The following DIDO1 variants were observed in gnomAD, a reference collection of about 807,000 sequenced individuals.
DIDO1 encodes the protein death-inducer obliterator 1.
Under a neutral mutation model 99.4 loss-of-function variants are expected in DIDO1, and 16 were observed. The observed-to-expected ratio is 0.16, with a 90% confidence interval of 0.11 to 0.24. The LOEUF (loss-of-function observed/expected upper bound fraction) is 0.24. DIDO1 is among the 10% of genes least tolerant of loss of function. DIDO1 has a pLI of 1.00. For missense variants in DIDO1, 2,996 were observed against 3,014.0 expected (o/e 0.99, Z 0.14); for synonymous variants, 1,366 against 1,239.1 (o/e 1.10, Z -2.15).
intron 1 of DIDO1, among the ~76,000 whole-genome samples, chr20:62,916,930 C>A (rs556329210): frequency 6.6e-6 from 1 of 152,252 alleles, no homozygotes; most frequent in Non-Finnish European, 1.5e-5. Flanking sequence ...CACGTCCTTG[C>A]ACTCTGGACC....
chr20:62,894,866 G>A lies in DIDO1; in HGVS notation c.2380C>T (p.Pro794Ser), dbSNP rs759076690. The A allele has an allele frequency of 1.2e-6, 2 of 1,614,106 alleles. No individual in the cohort carries two copies. Among genetic ancestry groups the A allele is most frequent in the African/African-American group, 1.3e-5 (1 of 75,016 alleles). Reference protein sequence around the residue: ...KLHNESKKTAPRQEAIPDLED... With the variant: ...KLHNESKKTASRQEAIPDLED... ...AGATCGGGGATGGCCTCCTGCCTGG[G>A]GGCCGTCTTCTTGCTTTCATTGTGC... Residue 794 changes from proline (P) to serine (S), a missense_variant, in exon 10 of 16, where the codon CCC becomes TCC. By Grantham distance (74) the Pro-to-Ser change is moderately conservative (BLOSUM62 -1). Around this residue, in one of 5 missense-constraint regions of DIDO1, gnomAD observed 898 missense variants for 972.7 expected, o/e 0.92. Coordinates refer to ENST00000395343, the MANE Select transcript of DIDO1 (RefSeq NM_001193369.2). The surrounding 1 kb of genome is among the most constrained non-coding windows in gnomAD (Gnocchi z 4.4).
At position 62,881,966 on chromosome 20, in the gene DIDO1, C is replaced by T. The variant is rs1009935680; in HGVS notation, c.3990G>A (p.Pro1330=). Residue 1330 remains proline (P), a synonymous_variant, in exon 16 of 16, where the codon CCG becomes CCA. Transcript: ENST00000395343. This position sits in a 1 kb window ranked among gnomAD's most constrained non-coding sequence, Gnocchi z 8.3. ...TGGACCCGGGAGGCTCTCTGGCGGA[C>T]GGGTCGAATGATTTCTTCTTTCCAA... The part of the protein sequence containing the change: ...TLFGKKKSFD[P]SAREPPGSTA... 4 of 1,613,340 alleles carry T rather than the reference C, an allele frequency of 2.5e-6. No homozygotes were observed. The South Asian group carries it at 3.3e-5, about 13-fold the overall frequency.
Position 62,879,813 on chromosome 20 carries a change from G to T in DIDO1, c.6143C>A (p.Ser2048Tyr). Reference sequence around the variant, plus strand: ...TCCGGGCGCACTGGAGGAGAGCGCGGAGGGCGGCCCGGCCTCCTCCCAGCG... The same window carrying T: ...TCCGGGCGCACTGGAGGAGAGCGCGTAGGGCGGCCCGGCCTCCTCCCAGCG... ...KDRWEEAGPP[S>Y]ALSSSAPGQG... Residue 2048 changes from serine (S) to tyrosine (Y), a missense_variant, in exon 16 of 16, where the codon TCC becomes TAC. Ser to Tyr is a moderately radical substitution (Grantham distance 144, BLOSUM62 -2). This residue lies in a region of DIDO1 where 1,562 missense variants were observed against 1,412.6 expected (regional missense o/e 1.11). Coordinates refer to ENST00000395343, the MANE Select transcript of DIDO1 (RefSeq NM_001193369.2). This position sits in a 1 kb window ranked among gnomAD's most constrained non-coding sequence, Gnocchi z 6.3. The T allele has an allele frequency of 2.5e-6, 4 of 1,610,134 alleles. No individual in the cohort carries two copies. The highest frequency in any genetic ancestry group is 3.4e-6 in the Non-Finnish European group (4 of 1,179,252).
At position 62,878,847 on chromosome 20, in the gene DIDO1, G is replaced by A. The variant is rs142982868; in HGVS notation, c.*386C>T. On this transcript the variant is annotated 3_prime_UTR_variant, in exon 16 of 16. Transcript: ENST00000395343. ...CGCCCACACCGGCCTCCGGGGCGGC[G>A]GCTAAGACCTGTAAAAGCAGCTTTT... 669 of 164,400 alleles carry A rather than the reference G, an allele frequency of 4.1e-3. 4 individuals are homozygous for A. The highest frequency in any genetic ancestry group is 0.015 in the African/African-American group (639 of 42,026). The allele number at this position is 164,400 out of a possible 1,614,324, so 10.2% of individuals were successfully genotyped here.
At chr20:62,899,492 C>A (rs947541394) in intron 6 of DIDO1, among the ~76,000 whole-genome samples, 2 of 152,182 alleles carry the variant, frequency 1.3e-5, no homozygotes, top group African/African-American at 4.8e-5. Context: ...CGTGTAACTA[C>A]ACTATTGTCT....
At chr20:62,888,416 T>C in intron 15 of DIDO1, 1 of 985,532 alleles carries the variant, frequency 1.0e-6, no homozygotes, top group Non-Finnish European at 1.2e-6. Context: ...AGGCCTGTGC[T>C]GCATGTGCCG....
Position 62,880,870 on chromosome 20 carries a change from C to A in DIDO1, c.5086G>T (p.Gly1696Cys), listed in dbSNP as rs1048784817. ...PGFASQDKAL[G>C]SAQYEDPRNL... ...CTTGGGTCCTCATACTGGGCTGAGC[C>A]GAGAGCCTTGTCCTGCGACGCGAAC... The change falls in exon 16 of 16, where the codon GGC (glycine) becomes TGC (cysteine). Residue 1696 changes from glycine to cysteine, a missense_variant. Around this residue, in one of 5 missense-constraint regions of DIDO1, gnomAD observed 1,562 missense variants for 1,412.6 expected, o/e 1.11. Transcript: ENST00000395343. 1.2e-6 allele frequency: 2 copies of A among 1,612,656 alleles called. No individual in the cohort carries two copies. Among genetic ancestry groups the A allele is most frequent in the Admixed American group, 1.7e-5 (1 of 60,028 alleles).
chr20:62,906,935 T>A (rs937157295), intron 5 of DIDO1, among the ~76,000 whole-genome samples: 1 of 152,224 alleles, frequency 6.6e-6, no homozygotes, highest in Non-Finnish European at 1.5e-5. Flanking sequence ...TTGTCAGCAT[T>A]TGCTTTACTG....
rs766531099 is a variant in DIDO1 at position 62,881,044 on chromosome 20, G to A, written c.4912C>T (p.Pro1638Ser). ...GTGGCGGGGCGGGTGCCCTCCCCAG[G>A]CTCTGCCTTCCAGCCGTCCTGCTCG... ...GSEQDGWKAE[P>S]GEGTRPATVG... Residue 1638 changes from proline to serine, a missense_variant, in exon 16 of 16, where the codon CCT becomes TCT. Transcript: ENST00000395343. This position sits in a 1 kb window ranked among gnomAD's most constrained non-coding sequence, Gnocchi z 8.3. 1.9e-6 allele frequency: 3 copies of A among 1,604,838 alleles called. No homozygotes were observed. Among genetic ancestry groups the A allele is most frequent in the Non-Finnish European group, 2.5e-6 (3 of 1,178,308 alleles).
In DIDO1 at chr20:62,887,986, C is replaced by G. The variant is rs145930116; in HGVS notation, c.3541+2974G>C. On this transcript the variant is annotated intron_variant, in intron 15 of 15. Coordinates refer to ENST00000395343, the MANE Select transcript of DIDO1 (RefSeq NM_001193369.2). ...CATTAAGATATGCAAGGACAAATGT[C>G]CTCAGGGAGATCCAGCTACTGCTGT... 3.2e-3 allele frequency: 3,124 copies of G among 985,484 alleles called. 2 individuals carry two copies. Among genetic ancestry groups the G allele is most frequent in the Admixed American group, 4.5e-3 (74 of 16,284 alleles). The allele number at this position is 985,484 out of a possible 1,614,324, so 61.0% of individuals were successfully genotyped here. A position where few individuals can be genotyped will look rare whatever the true frequency, so the allele number is the denominator to read the frequency against.
In DIDO1 at chr20:62,879,979, G is replaced by A. The variant is rs747138559; in HGVS notation, c.5977C>T (p.Arg1993Trp). Residue 1993 changes from arginine (R) to tryptophan (W), a missense_variant, in exon 16 of 16, where the codon CGG becomes TGG. Transcript: ENST00000395343. The surrounding 1 kb of genome is among the most constrained non-coding windows in gnomAD (Gnocchi z 6.3). Reference protein sequence around the residue: ...APAPLQFGGLRGSAPFSEKNE... With the variant: ...APAPLQFGGLWGSAPFSEKNE... ...TTTTCAGAAAAGGGTGCGGACCCCC[G>A]TAGTCCACCAAACTGCAGGGGTGCA... 3.7e-6 allele frequency: 6 copies of A among 1,611,468 alleles called. No individual in the cohort carries two copies. The highest frequency in any genetic ancestry group is 1.3e-5 in the African/African-American group (1 of 74,790).
chr20:62,892,332 G>T (rs61330594), intron 13 of DIDO1, among the ~76,000 whole-genome samples: 1 of 152,166 alleles, frequency 6.6e-6, no homozygotes, highest in Non-Finnish European at 1.5e-5. Context: ...CTGTCTTTAC[G>T]TACATACACA....
chr20:62,924,763 G>C (rs944169589), intron 1 of DIDO1, among the ~76,000 whole-genome samples: 29 of 152,272 alleles, frequency 1.9e-4, no homozygotes, highest in African/African-American at 7.0e-4. Context: ...GTACGGCTGG[G>C]CAGTCAATCA....
chr20:62,888,365 T>A lies in DIDO1; in HGVS notation c.3541+2595A>T, dbSNP rs377203205. ...AGATGCTCCCACATCAGTGCCCTGA[T>A]GCAGACGGGCAGCTCAAGGCTGGGG... is the stretch of plus-strand genomic sequence containing the variant. On this transcript the variant is annotated intron_variant, in intron 15 of 15. Coordinates refer to ENST00000395343, the MANE Select transcript of DIDO1 (RefSeq NM_001193369.2). 54 of 985,552 alleles carry A rather than the reference T, an allele frequency of 5.5e-5. No individual in the cohort carries two copies. The African/African-American group carries it at 8.7e-4, about 16-fold the overall frequency. The allele number at this position is 985,552 out of a possible 1,614,324, so 61.1% of individuals were successfully genotyped here.
At position 62,881,812 on chromosome 20, in the gene DIDO1, C is replaced by T. The variant is rs369592108; in HGVS notation, c.4144G>A (p.Asp1382Asn). The T allele has an allele frequency of 1.2e-6, 2 of 1,613,396 alleles. No individual in the cohort carries two copies. The highest frequency in any genetic ancestry group is 1.3e-5 in the African/African-American group (1 of 74,918). The part of the protein sequence containing the change: ...KDKALEEEED[D>N]RPYDPEEEYD... ...TCCTCCTCAGGGTCGTATGGCCTGTCGTCCTCCTCTTCCTCTAGAGCCTTA... is the reference window on the plus strand; with the variant it reads ...TCCTCCTCAGGGTCGTATGGCCTGTTGTCCTCCTCTTCCTCTAGAGCCTTA... Residue 1382 changes from aspartate (D) to asparagine (N), a missense_variant, in exon 16 of 16, where the codon GAC becomes AAC. Asp to Asn is a conservative substitution (Grantham distance 23). Coordinates refer to ENST00000395343, the MANE Select transcript of DIDO1 (RefSeq NM_001193369.2). This position sits in a 1 kb window ranked among gnomAD's most constrained non-coding sequence, Gnocchi z 8.3.
intron 1 of DIDO1, among the ~76,000 whole-genome samples, chr20:62,936,709 C>A (rs1298200098): frequency 6.6e-6 from 1 of 150,982 alleles, no homozygotes; most frequent in Admixed American, 6.6e-5. Context: ...ACTAAAAATA[C>A]AAAAATTAGC....
chr20:62,918,941 G>GC (rs1424461669), intron 1 of DIDO1, among the ~76,000 whole-genome samples: 12 of 152,138 alleles, frequency 7.9e-5, no homozygotes, highest in Admixed American at 2.0e-4. Flanking sequence ...TTTCATTAAT[G>GC]CGACAGTCAC....
chr20:62,890,909 G>GGGGTGC (rs771969228), intron 15 of DIDO1, 51 bp downstream of exon 15: 15 of 1,612,218 alleles, frequency 9.3e-6, no homozygotes, highest in Non-Finnish European at 1.3e-5. Flanking sequence ...AGTGGGAGGA[G>GGGGTGC]GGGTGCAGGT....
intron 1 of DIDO1, among the ~76,000 whole-genome samples, chr20:62,922,976 A>C (rs1008828079): frequency 6.6e-6 from 1 of 152,136 alleles, no homozygotes; most frequent in East Asian, 1.9e-4. Context: ...TGAAAAATCA[A>C]GAAACATCTA....
Sources: gnomAD v4.1 joint callset for allele counts (sites outside exome capture counted in the v4.1 genomes callset) on GRCh38, gnomAD v4.1.1 for gene constraint, gnomAD v4.1.1 regional missense constraint, Gnocchi (gnomAD v3.1) non-coding constraint, MANE v1.5 for transcripts, NCBI Gene and HGNC (gene_info 2026-07-23, HGNC 2026-07-21) for gene names.